Variants in NOX4 observed in about 807,000 individuals in gnomAD.
The protein encoded by NOX4 is NADPH oxidase 4.
Under a neutral mutation model 87.6 loss-of-function variants are expected in NOX4, and 69 were observed. The ratio of observed to expected loss-of-function variants is 0.79; its 90% CI spans 0.65 to 0.96. The LOEUF (loss-of-function observed/expected upper bound fraction) is 0.96, where lower values mean the gene tolerates loss of function less well. NOX4 is among the 40% of genes least tolerant of loss of function. The pLI, the probability that NOX4 is intolerant of heterozygous loss-of-function variation, is 0.00. For synonymous variants in NOX4, 275 were observed against 238.2 expected, an observed-to-expected ratio of 1.15 and a Z score of -1.42; for missense variants, 680 against 681.5, an observed-to-expected ratio of 1.00 and a Z score of 0.02.
intron 8 of NOX4, among the ~76,000 whole-genome samples, chr11:89,417,548 A>G (rs1942851877): frequency 6.6e-6 from 1 of 152,164 alleles, no homozygotes; most frequent in South Asian, 2.1e-4. Context: ...TAGAGATCTT[A>G]GAATATTATA....
At chr11:89,409,388 C>T (rs189380307) in intron 8 of NOX4, among the ~76,000 whole-genome samples, 90 of 152,156 alleles carry the variant, frequency 5.9e-4, no homozygotes, top group Admixed American at 1.0e-3. Flanking sequence ...AAAATAAACT[C>T]GCAGTTTGGA....
intron 11 of NOX4, among the ~76,000 whole-genome samples, chr11:89,394,535 G>A (rs1941344080): frequency 6.6e-6 from 1 of 151,932 alleles, no homozygotes; most frequent in Non-Finnish European, 1.5e-5. Context: ...TAAGTTCTAG[G>A]GTACACGTGC....
chr11:89,435,199 A>G (rs566522814), intron 6 of NOX4, among the ~76,000 whole-genome samples: 2 of 152,108 alleles, frequency 1.3e-5, no homozygotes, highest in Admixed American at 1.3e-4. Flanking sequence ...AAAAAAGAAA[A>G]CCTTTATTTG....
intron 8 of NOX4, among the ~76,000 whole-genome samples, chr11:89,413,642 T>C (rs532071218): frequency 6.6e-6 from 1 of 152,102 alleles, no homozygotes; most frequent in African/African-American, 2.4e-5. Context: ...CTCGTGAAGA[T>C]AGAGAGTAGA....
intron 11 of NOX4, among the ~76,000 whole-genome samples, chr11:89,379,751 C>G (rs1337277873): frequency 1.3e-5 from 2 of 152,118 alleles, no homozygotes; most frequent in Non-Finnish European, 2.9e-5. Flanking sequence ...TATATACAAT[C>G]CATGGAATAC....
At chr11:89,386,959 T>C (rs1940756366) in intron 11 of NOX4, among the ~76,000 whole-genome samples, 1 of 152,128 alleles carries the variant, frequency 6.6e-6, no homozygotes, top group African/African-American at 2.4e-5. Flanking sequence ...TCACCAATCA[T>C]TTTATACGAC....
intron 12 of NOX4, among the ~76,000 whole-genome samples, chr11:89,370,345 CAGA>C (rs1230505768): frequency 6.6e-6 from 1 of 151,550 alleles, no homozygotes; most frequent in Non-Finnish European, 1.5e-5. Context: ...GGATCAATGG[CAGA>C]AAGTTTACAT....
chr11:89,582,470 C>T, the NOX4 span, among the ~76,000 whole-genome samples: 1 of 152,128 alleles, frequency 6.6e-6, no homozygotes. Flanking sequence ...TGTTTTCCAT[C>T]ATAGCTGCAC....
Position 89,335,538 on chromosome 11 carries a change from CCTG to C in NOX4, c.1616+304_1616+306del, listed in dbSNP as rs1945668364. ...ATTTTGAAAACTTTTCCTAGGATCA[CCTG>C]ATATATGCTGTGGGAGCGAATACCC... On this transcript the variant is annotated intron_variant, in intron 17 of 17. Coordinates refer to ENST00000263317, the MANE Select transcript of NOX4 (RefSeq NM_016931.5). 4.6e-5 allele frequency among the ~76,000 whole-genome samples: 7 copies of C among 151,766 alleles called. No homozygotes were observed. The South Asian group carries it at 1.5e-3, about 32-fold the overall frequency.
the NOX4 span, among the ~76,000 whole-genome samples, chr11:89,527,488 C>A: frequency 2.0e-5 from 3 of 152,152 alleles, no homozygotes; most frequent in African/African-American, 7.2e-5. Context: ...ACATCACAGA[C>A]CCAGAGGCCT....
At chr11:89,581,071 G>T in the NOX4 span, among the ~76,000 whole-genome samples, 1 of 152,204 alleles carries the variant, frequency 6.6e-6, no homozygotes, top group Non-Finnish European at 1.5e-5. Context: ...GTGTCTGAGG[G>T]TTGACAGGTA....
intron 12 of NOX4, among the ~76,000 whole-genome samples, chr11:89,363,589 T>C (rs3913535): frequency 0.3 from 45,567 of 151,974 alleles, 7,075 homozygotes; most frequent in East Asian, 0.5. Flanking sequence ...AGCACATTAT[T>C]TCTAGGGATT....
At chr11:89,449,590 G>C (rs540690037) in intron 3 of NOX4, 66 bp from the exon 4 acceptor site, 1 of 1,271,874 alleles carries the variant, frequency 7.9e-7, no homozygotes, top group Non-Finnish European at 1.1e-6. Flanking sequence ...TTTCAGTATA[G>C]CATTGTTCAT....
At chr11:89,352,138 A>C (rs1387515682) in intron 13 of NOX4, among the ~76,000 whole-genome samples, 1 of 152,166 alleles carries the variant, frequency 6.6e-6, no homozygotes, top group Non-Finnish European at 1.5e-5. Flanking sequence ...TGGGTGAATA[A>C]TGAGAAATTA....
At chr11:89,517,422 A>G in the NOX4 span, among the ~76,000 whole-genome samples, 1 of 151,996 alleles carries the variant, frequency 6.6e-6, no homozygotes, top group African/African-American at 2.4e-5. Flanking sequence ...ATGTGCTTCA[A>G]AAGCACCCTG....
intron 3 of NOX4, among the ~76,000 whole-genome samples, chr11:89,450,284 T>C (rs1020650583): frequency 1.3e-5 from 2 of 152,196 alleles, no homozygotes; most frequent in Non-Finnish European, 2.9e-5. Flanking sequence ...TATAATTATG[T>C]AGAAAGGGTT....
chr11:89,451,836 G>C lies in NOX4; in HGVS notation c.213C>G (p.Ile71Met), dbSNP rs1944976239. ...AGAGTGTTCGGCACATGGGTAAAAG[G>C]ATAAGGCTGCAGTTGAGGTTAAGAA... ...ASVLNLNCSL[I>M]LLPMCRTLLA... The change falls in exon 3 of 18, where the codon ATC becomes ATG. Residue 71 changes from isoleucine to methionine, a missense_variant. Physicochemically the swap from Ile to Met is conservative, Grantham distance 10. Coordinates refer to ENST00000263317, the MANE Select transcript of NOX4 (RefSeq NM_016931.5). 1.2e-6 allele frequency: 2 copies of C among 1,613,398 alleles called. No homozygotes were observed. Among genetic ancestry groups the C allele is most frequent in the Non-Finnish European group, 1.7e-6 (2 of 1,179,598 alleles).
At chr11:89,501,420 G>A (rs1440378088), upstream of NOX4, among the ~76,000 whole-genome samples, 3 of 151,918 alleles carry the variant, frequency 2.0e-5, no homozygotes, top group African/African-American at 7.3e-5. Flanking sequence ...TTAAGTTAAG[G>A]GAAGGAAAGA....
chr11:89,547,443 G>T, the NOX4 span, among the ~76,000 whole-genome samples: 1 of 152,088 alleles, frequency 6.6e-6, no homozygotes, highest in African/African-American at 2.4e-5. Flanking sequence ...CAATAAACTG[G>T]TGAGATATAA....
Sources: allele counts gnomAD v4.1 joint callset (sites outside exome capture counted in the v4.1 genomes callset), GRCh38; gene constraint gnomAD v4.1.1; transcripts MANE v1.5; gene names NCBI Gene and HGNC (gene_info 2026-07-23, HGNC 2026-07-21).